RBFOX1: variants seen among roughly 807,000 people sequenced by gnomAD.
RBFOX1 encodes the protein RNA binding protein fox-1 homolog 1.
Under a neutral mutation model 57.7 loss-of-function variants are expected in RBFOX1, and 8 were observed. The ratio of observed to expected loss-of-function variants is 0.14; its 90% CI spans 0.08 to 0.25. The LOEUF (loss-of-function observed/expected upper bound fraction) is 0.25. RBFOX1 is among the 10% of genes least tolerant of loss of function. RBFOX1 has a pLI of 1.00. For synonymous variants in RBFOX1, 326 were observed against 222.4 expected (o/e 1.47, Z -4.15); for missense variants, 611 against 548.5 (o/e 1.11, Z -1.14).
intron 14 of RBFOX1, among the ~76,000 whole-genome samples, chr16:7,691,420 A>C (rs1194818022): frequency 6.6e-6 from 1 of 151,766 alleles, no homozygotes; most frequent in Non-Finnish European, 1.5e-5. Flanking sequence ...GAAAGGAGAG[A>C]AAGAACGGAA....
intron 3 of RBFOX1, among the ~76,000 whole-genome samples, chr16:5,619,456 C>G (rs1048958081): frequency 3.3e-5 from 5 of 152,148 alleles, no homozygotes; most frequent in African/African-American, 7.2e-5. Flanking sequence ...GACCTCATCT[C>G]TCGCCCCAAC....
At chr16:6,599,950 G>A (rs954893380) in intron 2 of RBFOX1, among the ~76,000 whole-genome samples, 3 of 152,242 alleles carry the variant, frequency 2.0e-5, no homozygotes, top group Non-Finnish European at 4.4e-5. Flanking sequence ...AGCATTGAAC[G>A]CAGTCCATAA....
At chr16:5,502,951 A>G (rs1384164265) in intron 2 of RBFOX1, among the ~76,000 whole-genome samples, 1 of 152,076 alleles carries the variant, frequency 6.6e-6, no homozygotes, top group East Asian at 1.9e-4. Context: ...ATCTTGCTAC[A>G]ACGATTGCTT....
chr16:7,710,491 C>G (rs1459960690), intron 15 of RBFOX1, 132 bp from the exon 16 acceptor site: 1 of 1,544,274 alleles, frequency 6.5e-7, no homozygotes, highest in South Asian at 1.3e-5. Flanking sequence ...CCAAGAATGA[C>G]CTGGGATGGG....
chr16:5,640,856 C>T (rs2048844160), intron 3 of RBFOX1, among the ~76,000 whole-genome samples: 1 of 136,050 alleles, frequency 7.4e-6, no homozygotes, highest in Non-Finnish European at 1.6e-5. Flanking sequence ...CACACACACA[C>T]CATGGATACA....
intron 1 of RBFOX1, among the ~76,000 whole-genome samples, chr16:6,242,784 T>C (rs1194072250): frequency 6.6e-6 from 1 of 152,084 alleles, no homozygotes; most frequent in Non-Finnish European, 1.5e-5. Flanking sequence ...ACCCAGATAA[T>C]AAACACATAA....
chr16:6,262,301 A>G (rs1399710553), intron 1 of RBFOX1, among the ~76,000 whole-genome samples: 1 of 152,146 alleles, frequency 6.6e-6, no homozygotes, highest in African/African-American at 2.4e-5. Context: ...GCATGTACCA[A>G]TTTCACTTAC....
chr16:6,231,363 C>G (rs1222551597), intron 1 of RBFOX1, among the ~76,000 whole-genome samples: 5 of 152,034 alleles, frequency 3.3e-5, no homozygotes, highest in Non-Finnish European at 7.4e-5. Context: ...AGTGATGAGA[C>G]TCTCTAGCTC....
At chr16:6,429,999 T>C (rs1195630559) in intron 2 of RBFOX1, among the ~76,000 whole-genome samples, 1 of 151,956 alleles carries the variant, frequency 6.6e-6, no homozygotes, top group Non-Finnish European at 1.5e-5. Context: ...TCCCAGCTAC[T>C]TGGGAGGCTG....
intron 1 of RBFOX1, among the ~76,000 whole-genome samples, chr16:6,121,049 T>C (rs1013554119): frequency 2.6e-5 from 4 of 152,258 alleles, no homozygotes; most frequent in Non-Finnish European, 4.4e-5. Context: ...GATTTATTCA[T>C]GTGTGTCCTA....
intron 4 of RBFOX1, among the ~76,000 whole-genome samples, chr16:7,203,059 T>G (rs563971003): frequency 1.5e-4 from 23 of 152,326 alleles, no homozygotes; most frequent in Admixed American, 5.9e-4. Flanking sequence ...GTGCTGGGAT[T>G]ACAGGCGTGA....
At chr16:7,302,177 C>T (rs1412273175) in intron 4 of RBFOX1, among the ~76,000 whole-genome samples, 1 of 152,054 alleles carries the variant, frequency 6.6e-6, no homozygotes, top group African/African-American at 2.4e-5. Flanking sequence ...GATGTGTGAG[C>T]CCCAGAGAGG....
At chr16:7,020,404 A>G (rs1158730026) in intron 3 of RBFOX1, among the ~76,000 whole-genome samples, 1 of 152,006 alleles carries the variant, frequency 6.6e-6, no homozygotes, top group Non-Finnish European at 1.5e-5. Flanking sequence ...TAGTTTTAGT[A>G]GAGATGAGGT....
chr16:6,379,652 G>T (rs1185818294), intron 2 of RBFOX1, among the ~76,000 whole-genome samples: 2 of 148,440 alleles, frequency 1.3e-5, no homozygotes, highest in African/African-American at 2.5e-5. Flanking sequence ...TCATGCAAGT[G>T]TCAAGAGCTG....
chr16:6,927,690 G>A (rs1217933680), intron 3 of RBFOX1, among the ~76,000 whole-genome samples: 1 of 151,060 alleles, frequency 6.6e-6, no homozygotes, highest in Non-Finnish European at 1.5e-5. Context: ...CTTTGGGGGA[G>A]CAGATTTTAG....
chr16:6,977,850 C>T (rs904242730), intron 3 of RBFOX1, among the ~76,000 whole-genome samples: 2 of 150,532 alleles, frequency 1.3e-5, no homozygotes, highest in Middle Eastern at 3.4e-3. Context: ...AAAGCTGCTT[C>T]CCAATCTGGT....
rs1368526390 is a variant in RBFOX1, at chr16:6,392,340, A to G, written c.-64+75283A>G. On this transcript the variant is annotated intron_variant, in intron 2 of 15. Coordinates refer to ENST00000550418, the MANE Select transcript of RBFOX1 (RefSeq NM_018723.4). Reference sequence around the variant, plus strand: ...AATATTTACACGGTTTTTCTAGGTAATTGTTTGTCTCCTGGACCATAGAGT... The same window carrying G: ...AATATTTACACGGTTTTTCTAGGTAGTTGTTTGTCTCCTGGACCATAGAGT... 2.6e-5 allele frequency among the ~76,000 whole-genome samples: 4 copies of G among 152,178 alleles called. No homozygotes were observed. The East Asian group carries it at 5.8e-4, about 22-fold the overall frequency.
intron 2 of RBFOX1, among the ~76,000 whole-genome samples, chr16:5,537,306 T>C (rs909689771): frequency 1.2e-4 from 19 of 152,230 alleles, no homozygotes; most frequent in African/African-American, 4.6e-4. Flanking sequence ...CAATTCCACA[T>C]TTTTAGATGT....
intron 2 of RBFOX1, among the ~76,000 whole-genome samples, chr16:5,546,539 A>C (rs1437716015): frequency 1.3e-5 from 2 of 152,222 alleles, no homozygotes; most frequent in African/African-American, 4.8e-5. Context: ...AATGGTGTTG[A>C]AATAGTTGGA....
Sources: allele counts gnomAD v4.1 joint callset (sites outside exome capture counted in the v4.1 genomes callset), GRCh38; gene constraint gnomAD v4.1.1; transcripts MANE v1.5; gene names NCBI Gene and HGNC (gene_info 2026-07-23, HGNC 2026-07-21).